Variants in VTI1A observed in about 807,000 individuals in gnomAD.
VTI1A encodes vesicle transport through interaction with t-SNAREs 1A.
A neutral mutation model predicts 34.9 loss-of-function variants in VTI1A; 22 were observed. The ratio of observed to expected loss-of-function variants is 0.63; its 90% CI spans 0.45 to 0.90. VTI1A has a LOEUF of 0.90. Ranked by LOEUF, VTI1A falls within the 40% of genes least tolerant of loss-of-function variation. VTI1A has a pLI of 0.00. For missense variants in VTI1A, 268 were observed against 275.6 expected (o/e 0.97, Z 0.20); for synonymous variants, 87 against 97.3 (o/e 0.89, Z 0.62).
At chr10:112,579,560 A>T (rs754881392) in intron 5 of VTI1A, among the ~76,000 whole-genome samples, 1 of 152,158 alleles carries the variant, frequency 6.6e-6, no homozygotes, top group Non-Finnish European at 1.5e-5. Context: ...AAAAAAAGGT[A>T]TATCTTACAA....
In VTI1A at chr10:112,450,060, A is replaced by AT. The variant is rs1004769700; in HGVS notation, c.94+2605dup. 6.6e-3 allele frequency: 951 copies of AT among 144,988 alleles called. 7 individuals are homozygous for AT. The highest frequency in any genetic ancestry group is 0.02 in the African/African-American group (797 of 39,780). 9.0% of individuals were successfully genotyped at this position (144,988 alleles called of 1,614,324 possible). ...CTACTCAAGCCACTGTGCCCGGCTG[A>AT]TTTTTTTTTTTTGTAGAGATGGGGT... On this transcript the variant is annotated intron_variant, in intron 1 of 7. Transcript: ENST00000393077.
chr10:112,637,548 A>G (rs982116840), intron 5 of VTI1A, among the ~76,000 whole-genome samples: 3 of 152,142 alleles, frequency 2.0e-5, no homozygotes, highest in African/African-American at 7.2e-5. Context: ...AGTCCCAGCT[A>G]CTTAGGAGGC....
chr10:112,647,671 G>T (rs1846853155), intron 5 of VTI1A, among the ~76,000 whole-genome samples: 1 of 152,158 alleles, frequency 6.6e-6, no homozygotes, highest in African/African-American at 2.4e-5. Context: ...CGTAGTTTAT[G>T]TATAGATTTG....
chr10:112,798,941 C>T (rs1457315548), intron 7 of VTI1A, among the ~76,000 whole-genome samples: 3 of 152,294 alleles, frequency 2.0e-5, no homozygotes, highest in African/African-American at 7.2e-5. Context: ...TGCTGCAGAC[C>T]ATGCCAAGGT....
At chr10:112,737,249 C>CTTT in intron 7 of VTI1A, 51 of 671,172 alleles carry the variant, frequency 7.6e-5, no homozygotes, top group Middle Eastern at 7.0e-4. Flanking sequence ...TTTTGTATTT[C>CTTT]TTTTTTTTTT....
intron 5 of VTI1A, among the ~76,000 whole-genome samples, chr10:112,664,268 A>C (rs1188097227): frequency 1.3e-5 from 2 of 152,156 alleles, no homozygotes; most frequent in African/African-American, 4.8e-5. Flanking sequence ...TTCCTGGTGA[A>C]TTAGATTTGA....
chr10:112,608,830 T>C (rs1342929580), intron 5 of VTI1A, among the ~76,000 whole-genome samples: 2 of 152,196 alleles, frequency 1.3e-5, no homozygotes, highest in East Asian at 3.9e-4. Context: ...TGTTTCTTAT[T>C]CTACTCTTTC....
the VTI1A span, among the ~76,000 whole-genome samples, chr10:112,828,545 A>G: frequency 1.4e-3 from 213 of 151,948 alleles, no homozygotes; most frequent in Admixed American, 2.9e-3. Flanking sequence ...AGCTGGGACT[A>G]CAGGCGCCCG....
intron 5 of VTI1A, among the ~76,000 whole-genome samples, chr10:112,636,870 C>G (rs1457351575): frequency 6.6e-6 from 1 of 151,840 alleles, no homozygotes; most frequent in African/African-American, 2.4e-5. Flanking sequence ...ACAACCATAG[C>G]AAAACAAAAT....
chr10:112,709,769 CG>C (rs1849341275), intron 7 of VTI1A, among the ~76,000 whole-genome samples: 1 of 141,880 alleles, frequency 7.0e-6, no homozygotes, highest in African/African-American at 2.7e-5. Context: ...TGGCTCACTG[CG>C]ACCTCTGCCT....
At chr10:112,599,904 C>T (rs991792408) in intron 5 of VTI1A, among the ~76,000 whole-genome samples, 11 of 152,088 alleles carry the variant, frequency 7.2e-5, no homozygotes, top group African/African-American at 2.4e-4. Context: ...ATGCTCAAAA[C>T]GAATAATAAC....
At chr10:112,561,832 C>G (rs1474933279) in intron 5 of VTI1A, among the ~76,000 whole-genome samples, 1 of 151,922 alleles carries the variant, frequency 6.6e-6, no homozygotes, top group African/African-American at 2.4e-5. Context: ...ATATTGCAAA[C>G]TAAAGGCTGT....
chr10:112,601,894 A>C (rs1844894618), intron 5 of VTI1A, among the ~76,000 whole-genome samples: 1 of 152,214 alleles, frequency 6.6e-6, no homozygotes, highest in Non-Finnish European at 1.5e-5. Flanking sequence ...GAATGATTAC[A>C]ACTAGGGTCC....
intron 5 of VTI1A, among the ~76,000 whole-genome samples, chr10:112,551,649 G>A (rs895734517): frequency 7.2e-5 from 11 of 152,098 alleles, no homozygotes; most frequent in Admixed American, 5.2e-4. Context: ...AATGCCTATG[G>A]GAAAATAAAT....
chr10:112,666,521 G>C (rs1027907975), intron 5 of VTI1A, among the ~76,000 whole-genome samples: 4 of 152,106 alleles, frequency 2.6e-5, no homozygotes, highest in Admixed American at 6.6e-5. Flanking sequence ...TTGATTCCTG[G>C]CCATATCCCT....
At chr10:112,544,216 A>G (rs981678629) in intron 5 of VTI1A, among the ~76,000 whole-genome samples, 10 of 152,168 alleles carry the variant, frequency 6.6e-5, no homozygotes, top group African/African-American at 2.4e-4. Context: ...TTCTGTGAAC[A>G]AAGTCATTGG....
rs1229246336 is a variant in VTI1A at position 112,716,738 on chromosome 10, T to C, written c.560+47740T>C. On this transcript the variant is annotated intron_variant, in intron 7 of 7. Coordinates refer to ENST00000393077, the MANE Select transcript of VTI1A (RefSeq NM_145206.4). ...CTGGAGCACTTTGGATTTCTGATTT[T>C]TGGATTAGAGATATTCAACTGGAGT... 3.9e-5 allele frequency among the ~76,000 whole-genome samples: 6 copies of C among 152,200 alleles called. No individual in the cohort carries two copies. In the East Asian group the frequency reaches 5.8e-4, roughly 15 times the overall value.
intron 5 of VTI1A, among the ~76,000 whole-genome samples, chr10:112,641,265 C>G (rs964138247): frequency 2.0e-5 from 3 of 152,152 alleles, no homozygotes; most frequent in Non-Finnish European, 1.5e-5. Flanking sequence ...CTCCTGCAGG[C>G]CCCAGTGATC....
intron 7 of VTI1A, among the ~76,000 whole-genome samples, chr10:112,776,835 G>A (rs1213377623): frequency 1.3e-5 from 2 of 151,832 alleles, no homozygotes; most frequent in African/African-American, 4.8e-5. Flanking sequence ...GCACCACCAC[G>A]CCTGGCTAAT....
Sources: gnomAD v4.1 joint callset for allele counts (sites outside exome capture counted in the v4.1 genomes callset) on GRCh38, gnomAD v4.1.1 for gene constraint, MANE v1.5 for transcripts, NCBI Gene and HGNC (gene_info 2026-07-23, HGNC 2026-07-21) for gene names.